The following FRMD7 variants were observed in gnomAD, a reference collection of about 807,000 sequenced individuals.
The protein encoded by FRMD7 is FERM domain containing 7.
FRMD7 carries 14 observed loss-of-function variants against 44.1 expected under a neutral mutation model. The ratio of observed to expected loss-of-function variants is 0.32; its 90% confidence interval spans 0.21 to 0.50. FRMD7 has a LOEUF of 0.50. FRMD7 is among the 20% of genes least tolerant of loss of function. The pLI is 0.99. For missense variants in FRMD7, 501 were observed against 522.3 expected, an observed-to-expected ratio of 0.96 and a Z score of 0.40; for synonymous variants, 212 against 187.4, an observed-to-expected ratio of 1.13 and a Z score of -1.07.
At chrX:132,116,737 G>A (rs760624994) in intron 1 of FRMD7, among the ~76,000 whole-genome samples, 4 of 111,521 alleles carry the variant, frequency 3.6e-5, no homozygotes, top group Non-Finnish European at 3.8e-5. Flanking sequence ...GTAGGTGATG[G>A]GTTGATGGGT....
chrX:132,124,403 TTATG>T (rs1929106112), intron 1 of FRMD7, among the ~76,000 whole-genome samples: 1 of 111,828 alleles, frequency 8.9e-6, no homozygotes, highest in African/African-American at 3.2e-5. Flanking sequence ...AATGATCAGT[TTATG>T]AAATAAATAT....
intron 2 of FRMD7, among the ~76,000 whole-genome samples, chrX:132,100,403 A>G (rs761155180): frequency 8.9e-6 from 1 of 112,600 alleles, no homozygotes; most frequent in African/African-American, 3.2e-5. Context: ...AAGTGTTGGG[A>G]TTACAGGCAT....
At chrX:132,083,097 T>G (rs1396779589) in intron 8 of FRMD7, among the ~76,000 whole-genome samples, 2 of 111,449 alleles carry the variant, frequency 1.8e-5, no homozygotes, top group African/African-American at 3.3e-5. Context: ...ACTACAGGCA[T>G]GTGCCACCAT....
chrX:132,100,648 A>G lies in FRMD7; in HGVS notation c.126T>C (p.Tyr42=). ...CSHLNLAEKE[Y]FGLEFCSHSG... is the part of the protein sequence containing the mutation. ...AATGGCTGCAGAATTCTAATCCAAA[A>G]TATTCCTTTTCAGCAAGATTTAGAT... The change falls in exon 2 of 12, where the codon TAT becomes TAC. Residue 42 remains tyrosine (Y), a synonymous_variant. Transcript: ENST00000298542. 8.3e-7 allele frequency: 1 copy of G among 1,206,739 alleles called. No homozygotes were observed. Among genetic ancestry groups the G allele is most frequent in the Non-Finnish European group, 1.1e-6 (1 of 890,843 alleles).
At chrX:132,089,200 G>T (rs1052823818) in intron 5 of FRMD7, among the ~76,000 whole-genome samples, 1 of 111,824 alleles carries the variant, frequency 8.9e-6, no homozygotes, top group African/African-American at 3.2e-5. Context: ...TTACATTTAT[G>T]GTCAATTGGT....
intron 1 of FRMD7, among the ~76,000 whole-genome samples, 191 bp from the exon 2 acceptor site, chrX:132,100,907 A>C (rs1470457093): frequency 3.6e-5 from 4 of 111,704 alleles, no homozygotes; most frequent in African/African-American, 1.3e-4. Context: ...GTGTTGTTTT[A>C]GCGACATCCC....
intron 9 of FRMD7, 87 bp downstream of exon 9, chrX:132,082,276 C>T: frequency 1.3e-6 from 1 of 778,042 alleles, no homozygotes; most frequent in Non-Finnish European, 2.0e-6. Context: ...TTCTTTGTTG[C>T]TTCTAGAATG....
intron 8 of FRMD7, among the ~76,000 whole-genome samples, chrX:132,084,224 G>A (rs774633462): frequency 8.0e-5 from 9 of 111,891 alleles, no homozygotes; most frequent in Non-Finnish European, 1.5e-4. Flanking sequence ...CTAAAAAGCA[G>A]TTTCCAGGGA....
intron 9 of FRMD7, among the ~76,000 whole-genome samples, chrX:132,082,028 T>C (rs1316824134): frequency 8.9e-6 from 1 of 112,079 alleles, no homozygotes; most frequent in Non-Finnish European, 1.9e-5. Context: ...ACCCAAAGGA[T>C]GCTGTTGAGC....
chrX:132,108,271 G>A (rs1271366320), intron 1 of FRMD7, among the ~76,000 whole-genome samples: 1 of 111,946 alleles, frequency 8.9e-6, no homozygotes, highest in Non-Finnish European at 1.9e-5. Flanking sequence ...ATAATAATGA[G>A]CATGGAGTTT....
intron 11 of FRMD7, among the ~76,000 whole-genome samples, chrX:132,079,212 CTG>C (rs1438545621): frequency 8.9e-6 from 1 of 112,308 alleles, no homozygotes; most frequent in African/African-American, 3.2e-5. Context: ...CTTCCAGACT[CTG>C]AGTGTATACA....
At chrX:132,109,772 T>C in intron 1 of FRMD7, among the ~76,000 whole-genome samples, 1 of 111,458 alleles carries the variant, frequency 9.0e-6, no homozygotes, top group Middle Eastern at 4.6e-3. Context: ...TAAGCTGAGG[T>C]GTGAAGCAAG....
intron 1 of FRMD7, among the ~76,000 whole-genome samples, chrX:132,107,170 T>C (rs935131844): frequency 7.1e-5 from 8 of 112,147 alleles, no homozygotes; most frequent in Non-Finnish European, 1.3e-4. Flanking sequence ...GCATAATGGG[T>C]TATTTTTACT....
intron 1 of FRMD7, among the ~76,000 whole-genome samples, chrX:132,115,998 CA>C (rs1602835403): frequency 9.0e-6 from 1 of 111,600 alleles, no homozygotes; most frequent in Non-Finnish European, 1.9e-5. Flanking sequence ...TGTGACCACA[CA>C]GTTTCACATG....
chrX:132,078,885 T>C lies in FRMD7; in HGVS notation c.1132A>G (p.Ser378Gly). ...GVHASEPVLE[S>G]RRRNSALEVT... ...TCCAATGCAGAATTCCTCCTCCTAC[T>C]CTCCAGCACTGGCTCAGATGCGTGC... The change falls in exon 12 of 12, where the codon AGT becomes GGT. Residue 378 changes from serine to glycine, a missense_variant. Ser to Gly is a moderately conservative substitution (Grantham distance 56). Around this residue, in one of 3 missense-constraint regions of FRMD7, gnomAD observed 453 missense variants for 452.7 expected, o/e 1.00. Coordinates refer to ENST00000298542, the MANE Select transcript of FRMD7 (RefSeq NM_194277.3). 1 of 1,203,379 alleles carries C rather than the reference T, an allele frequency of 8.3e-7. No individual in the cohort carries two copies. Among genetic ancestry groups the C allele is most frequent in the East Asian group, 3.0e-5 (1 of 33,716 alleles).
intron 1 of FRMD7, 84 bp from the exon 2 acceptor site, chrX:132,100,800 C>T: frequency 1.5e-6 from 1 of 677,195 alleles, no homozygotes; most frequent in Middle Eastern, 2.9e-4. Flanking sequence ...AGCCACAAGA[C>T]TCTCTGCAAG....
At chrX:132,124,109 A>ATATATACAATC (rs2124036406) in intron 1 of FRMD7, among the ~76,000 whole-genome samples, 1 of 111,994 alleles carries the variant, frequency 8.9e-6, no homozygotes, top group Admixed American at 9.4e-5. Context: ...GAAGAGATTG[A>ATATATACAATC]TAGTCAAGCT....
Position 132,078,485 on chromosome X carries a change from A to C in FRMD7, c.1532T>G (p.Ile511Ser). Residue 511 changes from isoleucine (I) to serine (S), a missense_variant, in exon 12 of 12, where the codon ATT becomes AGT. Coordinates refer to ENST00000298542, the MANE Select transcript of FRMD7 (RefSeq NM_194277.3). ...TGGACTTGTCCTTTCCTCTGCTCTA[A>C]TTGGGGACCATCTGGGCACCTGGGG... ...KPPQVPRWSP[I>S]RAEERTSPHS... 8.3e-7 allele frequency: 1 copy of C among 1,210,777 alleles called. No individual in the cohort carries two copies. The highest frequency in any genetic ancestry group is 1.1e-6 in the Non-Finnish European group (1 of 894,851).
At chrX:132,102,196 A>C (rs1255879003) in intron 1 of FRMD7, among the ~76,000 whole-genome samples, 1 of 110,203 alleles carries the variant, frequency 9.1e-6, no homozygotes, top group Non-Finnish European at 1.9e-5. Context: ...CGCTTCCCCC[A>C]CCGTCCAAAA....
Sources: allele counts gnomAD v4.1 joint callset (sites outside exome capture counted in the v4.1 genomes callset), GRCh38; gene constraint gnomAD v4.1.1; regional missense constraint gnomAD v4.1.1; transcripts MANE v1.5; gene names NCBI Gene and HGNC (gene_info 2026-07-23, HGNC 2026-07-21).